Variants in AP1S2 observed in about 807,000 individuals in gnomAD.
AP1S2 encodes the protein AP-1 complex subunit sigma-2.
A neutral mutation model predicts 14.3 loss-of-function variants in AP1S2; 1 was observed. The observed-to-expected ratio is 0.07, with a 90% CI of 0.02 to 0.33. The LOEUF (loss-of-function observed/expected upper bound fraction) is 0.33. Ranked by LOEUF, AP1S2 falls within the 10% of genes least tolerant of loss-of-function variation. The pLI is 0.99. For missense variants in AP1S2, 30 were observed against 117.7 expected, an observed-to-expected ratio of 0.25 and a Z score of 3.45; for synonymous variants, 30 against 40.5, an observed-to-expected ratio of 0.74 and a Z score of 0.99.
At position 15,843,554 on chromosome X, in the gene AP1S2, TCAAA is replaced by T. The variant is rs767774837; in HGVS notation, c.426+1821_426+1824del. 8.1e-5 allele frequency among the ~76,000 whole-genome samples: 9 copies of T among 111,662 alleles called. No homozygotes were observed. In the South Asian group the frequency reaches 1.8e-3, roughly 23 times the overall value. On this transcript the variant is annotated intron_variant, in intron 4 of 5. Coordinates refer to ENST00000672987, the MANE Select transcript of AP1S2 (RefSeq NM_001272071.2). ...TGGGCAACAAGAGCGAAACTCCATC[TCAAA>T]CAAACAAACAAAAAATTACTCTCCA...
rs138664671 is a variant in AP1S2, at chrX:15,853,908, T to A, written c.-1+780A>T. Among the ~76,000 whole-genome samples, 333 of 111,324 alleles carry A rather than the reference T, an allele frequency of 3.0e-3. 3 individuals carry two copies. The highest frequency in any genetic ancestry group is 9.8e-3 in the African/African-American group (301 of 30,605). ...AACTGGGCATTTACTGCAAACCCGT[T>A]ACCAGAACTTGGAAAAGAATGGACC... On this transcript the variant is annotated intron_variant, in intron 1 of 5. Transcript: ENST00000672987.
rs745344000 is a variant in AP1S2, at chrX:15,850,347, T to C, written c.179+1999A>G. ...CACCCCACTCCTCCCTTTCCTTCGC[T>C]GCTCTCTCCGCTTTGTTGTTGTCGT... On this transcript the variant is annotated intron_variant, in intron 2 of 5. Transcript: ENST00000672987. 1.5e-4 allele frequency among the ~76,000 whole-genome samples: 16 copies of C among 110,136 alleles called. No individual in the cohort carries two copies. In the South Asian group the frequency reaches 5.4e-3, roughly 37 times the overall value.
At chrX:15,836,925 T>A (rs1231940075) in intron 4 of AP1S2, among the ~76,000 whole-genome samples, 1 of 111,176 alleles carries the variant, frequency 9.0e-6, no homozygotes, top group African/African-American at 3.3e-5. Flanking sequence ...ATAATTAACT[T>A]AGCAAATATA....
intron 4 of AP1S2, among the ~76,000 whole-genome samples, chrX:15,835,212 T>C (rs1324452670): frequency 3.6e-5 from 4 of 112,584 alleles, no homozygotes; most frequent in Non-Finnish European, 7.5e-5. Context: ...TTACATTTAA[T>C]GAAAAGTAAA....
rs760639444 is a variant in AP1S2, at chrX:15,841,459, G to T, written c.426+3920C>A. Among the ~76,000 whole-genome samples the T allele has an allele frequency of 1.3e-3, 140 of 111,113 alleles. 1 individual carries two copies. Among genetic ancestry groups the T allele is most frequent in the Non-Finnish European group, 2.3e-3 (120 of 52,966 alleles). On this transcript the variant is annotated intron_variant, in intron 4 of 5. Coordinates refer to ENST00000672987, the MANE Select transcript of AP1S2 (RefSeq NM_001272071.2). The stretch of plus-strand genomic sequence containing the variant: ...AAGTAGATTAAAATTGACCAATTAG[G>T]ACTTCTACTACAAATGTAAGTCTGA...
intron 4 of AP1S2, among the ~76,000 whole-genome samples, chrX:15,844,608 T>C (rs1458682650): frequency 8.9e-6 from 1 of 112,680 alleles, no homozygotes; most frequent in African/African-American, 3.2e-5. Context: ...ATTTGGTATC[T>C]GAATTAAGGT....
chrX:15,828,169 T>A lies in AP1S2; in HGVS notation c.435+23A>T, dbSNP rs780322529. Reference sequence around the variant, plus strand: ...TAATGATGGAAAATAATATAAATTTTTGGCATCCAGTAATAAACTTACTTT... The same window carrying A: ...TAATGATGGAAAATAATATAAATTTATGGCATCCAGTAATAAACTTACTTT... On this transcript the variant is annotated intron_variant, in intron 5 of 5. Coordinates refer to ENST00000672987, the MANE Select transcript of AP1S2 (RefSeq NM_001272071.2). 3 of 1,086,508 alleles carry A rather than the reference T, an allele frequency of 2.8e-6. No homozygotes were observed. The South Asian group carries it at 6.8e-5, about 25-fold the overall frequency. 89.5% of individuals were successfully genotyped at this position (1,086,508 alleles called of 1,213,427 possible). A position where few individuals can be genotyped will look rare whatever the true frequency, so the allele number is the denominator to read the frequency against.
At chrX:15,847,455 G>A (rs1934034131) in intron 2 of AP1S2, among the ~76,000 whole-genome samples, 1 of 111,464 alleles carries the variant, frequency 9.0e-6, no homozygotes, top group Admixed American at 9.5e-5. Flanking sequence ...TATATATCAT[G>A]AGTTTGTGCA....
chrX:15,835,645 C>G (rs1933609534), intron 4 of AP1S2, among the ~76,000 whole-genome samples: 2 of 110,272 alleles, frequency 1.8e-5, no homozygotes, highest in Admixed American at 1.9e-4. Context: ...CATGGTTGCT[C>G]CAGATGGTTA....
chrX:15,827,780 G>T (rs1933310458), intron 5 of AP1S2, among the ~76,000 whole-genome samples: 1 of 111,579 alleles, frequency 9.0e-6, no homozygotes, highest in Non-Finnish European at 1.9e-5. Context: ...TGTGTTCCAT[G>T]CTTTTTGTCA....
chrX:15,840,573 C>T (rs1370357172), intron 4 of AP1S2: 1 of 978,098 alleles, frequency 1.0e-6, no homozygotes, highest in Non-Finnish European at 1.3e-6. Context: ...GACAAACCTC[C>T]CCATTCTTCA....
At chrX:15,843,454 C>G (rs1933903510) in intron 4 of AP1S2, among the ~76,000 whole-genome samples, 1 of 111,596 alleles carries the variant, frequency 9.0e-6, no homozygotes, top group Non-Finnish European at 1.9e-5. Flanking sequence ...ACTCGGGAGG[C>G]TGAGGCAGGA....
At chrX:15,852,871 C>G (rs1184901209) in intron 1 of AP1S2, 1 of 748,369 alleles carries the variant, frequency 1.3e-6, no homozygotes, top group African/African-American at 2.3e-5. Flanking sequence ...ATTGCGCACT[C>G]TCTATATGCA....
At chrX:15,849,925 C>T (rs1934120416) in intron 2 of AP1S2, among the ~76,000 whole-genome samples, 1 of 111,935 alleles carries the variant, frequency 8.9e-6, no homozygotes, top group Admixed American at 9.4e-5. Flanking sequence ...ATTTCTCCAC[C>T]TCTTCACACT....
At chrX:15,828,241 T>G (rs1933322622) in intron 4 of AP1S2, 41 bp from the exon 5 acceptor site, 1 of 1,039,844 alleles carries the variant, frequency 9.6e-7, no homozygotes, top group Admixed American at 3.1e-5. Context: ...AGAGAAATTA[T>G]ATTAAACCAT....
intron 4 of AP1S2, among the ~76,000 whole-genome samples, chrX:15,834,138 A>G (rs980950559): frequency 9.3e-6 from 1 of 107,896 alleles, no homozygotes; most frequent in Non-Finnish European, 1.9e-5. Flanking sequence ...CGGGCTTTCA[A>G]TCCCAGGAAA....
intron 4 of AP1S2, among the ~76,000 whole-genome samples, chrX:15,835,629 G>A (rs1933609014): frequency 9.0e-6 from 1 of 110,688 alleles, no homozygotes; most frequent in East Asian, 2.8e-4. Flanking sequence ...TGAGTGGCAA[G>A]AGTTACATGG....
At chrX:15,843,010 G>A (rs1296211589) in intron 4 of AP1S2, among the ~76,000 whole-genome samples, 2 of 74,922 alleles carry the variant, frequency 2.7e-5, no homozygotes, top group Non-Finnish European at 4.8e-5. Flanking sequence ...TGGGTGATAA[G>A]CGAAACTCCA....
At chrX:15,840,446 C>A in intron 4 of AP1S2, 1 of 655,808 alleles carries the variant, frequency 1.5e-6, no homozygotes. Flanking sequence ...ACAGTATTTG[C>A]ATAGCACTCC....
Sources: allele counts gnomAD v4.1 joint callset (sites outside exome capture counted in the v4.1 genomes callset), GRCh38; gene constraint gnomAD v4.1.1; transcripts MANE v1.5; gene names NCBI Gene and HGNC (gene_info 2026-07-23, HGNC 2026-07-21).